The following CSPP1 variants were observed in gnomAD, a reference collection of about 807,000 sequenced individuals.
CSPP1 encodes the protein centrosome and spindle pole-associated protein 1.
In CSPP1, 126 loss-of-function variants were observed where a neutral mutation model predicts 164.4. The observed-to-expected ratio is 0.77, with a 90% confidence interval of 0.66 to 0.89. CSPP1 has a LOEUF of 0.89. CSPP1 is among the 40% of genes least tolerant of loss of function. The pLI is 0.00. For synonymous variants in CSPP1, 472 were observed against 476.7 expected (o/e 0.99, Z 0.13); for missense variants, 1,395 against 1,449.8 (o/e 0.96, Z 0.61).
intron 17 of CSPP1, among the ~76,000 whole-genome samples, chr8:67,139,024 C>T (rs1586438942): frequency 6.6e-6 from 1 of 152,216 alleles, no homozygotes; most frequent in Middle Eastern, 3.4e-3. Flanking sequence ...GCCAGTTTTC[C>T]CAGCACCATT....
chr8:67,145,974 T>G (rs1169225679), intron 17 of CSPP1, among the ~76,000 whole-genome samples: 1 of 152,174 alleles, frequency 6.6e-6, no homozygotes, highest in Non-Finnish European at 1.5e-5. Context: ...TTCATTCAGT[T>G]TTCTGATTTT....
intron 16 of CSPP1, among the ~76,000 whole-genome samples, chr8:67,136,609 AAGCACAATAAAATTC>A (rs1463317503): frequency 6.6e-6 from 1 of 151,908 alleles, no homozygotes; most frequent in Non-Finnish European, 1.5e-5. Flanking sequence ...AATGTCCGCA[AAGCACAATAAAATTC>A]AGCACAATAA....
rs868817537 is a variant in CSPP1 at position 67,147,939 on chromosome 8, G to A, written c.1976-1844G>A. On this transcript the variant is annotated intron_variant, in intron 17 of 30. Transcript: ENST00000678616. Reference sequence around the variant, plus strand: ...AACCATTTTTATTTTTATTTTTTTTGAGACAGTCTCACTCTGTCACCCAGC... The same window carrying A: ...AACCATTTTTATTTTTATTTTTTTTAAGACAGTCTCACTCTGTCACCCAGC... Among the ~76,000 whole-genome samples, 18 of 149,944 alleles carry A rather than the reference G, an allele frequency of 1.2e-4. No homozygotes were observed. In the South Asian group the frequency reaches 1.7e-3, roughly 14 times the overall value.
At chr8:67,100,770 A>G (rs1401111172) in intron 7 of CSPP1, among the ~76,000 whole-genome samples, 3 of 147,202 alleles carry the variant, frequency 2.0e-5, no homozygotes, top group African/African-American at 7.6e-5. Context: ...TGTAATAAAG[A>G]TTTCTTTATT....
At chr8:67,114,881 GTAAT>G (rs1817612560) in intron 12 of CSPP1, 1 of 152,184 alleles carries the variant, frequency 6.6e-6, no homozygotes, top group South Asian at 2.1e-4. Context: ...GAATAAATAA[GTAAT>G]TGGAGGCAAC....
At chr8:67,103,669 G>T (rs77112312) in intron 8 of CSPP1, among the ~76,000 whole-genome samples, 2 of 150,376 alleles carry the variant, frequency 1.3e-5, no homozygotes, top group Non-Finnish European at 3.0e-5. Context: ...AAAAAGAAAA[G>T]AAAAAATTAG....
intron 9 of CSPP1, among the ~76,000 whole-genome samples, chr8:67,109,481 C>T (rs566762991): frequency 6.6e-6 from 1 of 152,340 alleles, no homozygotes; most frequent in South Asian, 2.1e-4. Context: ...TTAGTTACAT[C>T]TGCAAATATT....
Position 67,112,081 on chromosome 8 carries a change from C to T in CSPP1, c.1187+16C>T. The T allele has an allele frequency of 2.6e-6, 4 of 1,564,278 alleles. No individual in the cohort carries two copies. The South Asian group carries it at 4.5e-5, about 18-fold the overall frequency. ...ACAAGAGACGGTAATGAAAGGTTTG[C>T]ATTTAAAAGAGATATTTTGAGTTTA... On this transcript the variant is annotated intron_variant, in intron 10 of 30. Coordinates refer to ENST00000678616, the MANE Select transcript of CSPP1 (RefSeq NM_001382391.1).
intron 20 of CSPP1, 56 bp downstream of exon 20, chr8:67,158,652 A>G: frequency 1.3e-6 from 2 of 1,509,834 alleles, no homozygotes; most frequent in South Asian, 2.6e-5. Context: ...GAAATCTTTG[A>G]CTTGAAAAGG....
chr8:67,071,997 T>G (rs1806891695), intron 1 of CSPP1, among the ~76,000 whole-genome samples: 1 of 152,148 alleles, frequency 6.6e-6, no homozygotes, highest in African/African-American at 2.4e-5. Flanking sequence ...CAAAGATTTT[T>G]TTTAGCTGGG....
chr8:67,071,179 G>GAT (rs373899784), intron 1 of CSPP1, among the ~76,000 whole-genome samples: 33 of 151,458 alleles, frequency 2.2e-4, no homozygotes, highest in Admixed American at 8.5e-4. Flanking sequence ...TTTCTACAAT[G>GAT]ATATATATAT....
rs71249424 is a variant in CSPP1, at chr8:67,192,078, G to GTT, written c.3330+1330_3330+1331dup. On this transcript the variant is annotated intron_variant, in intron 29 of 30. Coordinates refer to ENST00000678616, the MANE Select transcript of CSPP1 (RefSeq NM_001382391.1). ...CCTTTGCTGATTTGTTTTTTTTTTT[G>GTT]TTTTTTTTTTTTGATACAGAGTCCT... Among the ~76,000 whole-genome samples the GTT allele has an allele frequency of 3.0e-3, 388 of 127,710 alleles. 1 individual carries two copies. The highest frequency in any genetic ancestry group is 4.8e-3 in the East Asian group (22 of 4,588). 83.8% of individuals were successfully genotyped at this position (127,710 alleles called of 152,430 possible).
intron 8 of CSPP1, among the ~76,000 whole-genome samples, chr8:67,105,634 T>C (rs1051559723): frequency 6.6e-6 from 1 of 152,150 alleles, no homozygotes; most frequent in Non-Finnish European, 1.5e-5. Context: ...TCCACCCACG[T>C]AGGCCTCCCA....
At chr8:67,186,144 A>G (rs1411800745) in intron 28 of CSPP1, among the ~76,000 whole-genome samples, 1 of 152,176 alleles carries the variant, frequency 6.6e-6, no homozygotes. Flanking sequence ...ATTTTCCATC[A>G]TTTCATTTCT....
At chr8:67,163,842 T>A (rs1443732817) in intron 23 of CSPP1, 44 bp downstream of exon 23, 2 of 1,418,476 alleles carry the variant, frequency 1.4e-6, no homozygotes, top group Non-Finnish European at 2.0e-6. Context: ...ATTTCTCTTT[T>A]TAACTTTTCA....
intron 15 of CSPP1, among the ~76,000 whole-genome samples, chr8:67,124,642 A>G (rs1250812940): frequency 6.6e-6 from 1 of 151,958 alleles, no homozygotes; most frequent in Non-Finnish European, 1.5e-5. Flanking sequence ...CTGGGACTAC[A>G]GGTGCATACC....
chr8:67,132,654 G>C (rs1250554206), intron 16 of CSPP1, among the ~76,000 whole-genome samples: 1 of 152,162 alleles, frequency 6.6e-6, no homozygotes, highest in Non-Finnish European at 1.5e-5. Flanking sequence ...ACATCTAAGA[G>C]ACAATTCTCA....
chr8:67,190,816 C>A, intron 29 of CSPP1, 57 bp downstream of exon 29: 1 of 1,239,094 alleles, frequency 8.1e-7, no homozygotes, highest in Non-Finnish European at 1.2e-6. Context: ...GGTCTGGGTT[C>A]TGACCTGTGC....
intron 26 of CSPP1, among the ~76,000 whole-genome samples, chr8:67,175,753 A>G (rs956272876): frequency 1.8e-4 from 27 of 152,220 alleles, no homozygotes; most frequent in African/African-American, 6.3e-4. Context: ...TCAGGCAGAC[A>G]TATCAGTGCC....
Sources: allele counts gnomAD v4.1 joint callset (sites outside exome capture counted in the v4.1 genomes callset), GRCh38; gene constraint gnomAD v4.1.1; transcripts MANE v1.5; gene names NCBI Gene and HGNC (gene_info 2026-07-23, HGNC 2026-07-21).